SLC29A3: variants seen among roughly 807,000 people sequenced by gnomAD.
SLC29A3 encodes equilibrative nucleoside transporter 3.
In SLC29A3, 18 loss-of-function variants were observed where a neutral mutation model predicts 25.4. The ratio of observed to expected loss-of-function variants is 0.71; its 90% CI spans 0.49 to 1.05. The LOEUF is 1.05. SLC29A3 is among the 50% of genes least tolerant of loss of function. The probability of loss-of-function intolerance (pLI) is 0.00; values close to 1 mark genes in which losing one functional copy is unlikely to be tolerated. For synonymous variants in SLC29A3, 258 were observed against 267.1 expected (o/e 0.97, Z 0.33); for missense variants, 586 against 609.0 (o/e 0.96, Z 0.40).
At chr10:71,372,454 C>T (rs939098874) in intron 3 of SLC29A3, among the ~76,000 whole-genome samples, 3 of 152,186 alleles carry the variant, frequency 2.0e-5, no homozygotes, top group Non-Finnish European at 4.4e-5. Context: ...TTGGTAAATG[C>T]AGATTGCTGT....
intron 3 of SLC29A3, among the ~76,000 whole-genome samples, chr10:71,368,766 T>G (rs1564545957): frequency 1.3e-5 from 2 of 152,232 alleles, no homozygotes; most frequent in Non-Finnish European, 2.9e-5. Flanking sequence ...CTGGAGCCAT[T>G]CTGCCTAGGT....
At chr10:71,327,187 C>T (rs1246520902) in intron 2 of SLC29A3, among the ~76,000 whole-genome samples, 2 of 152,088 alleles carry the variant, frequency 1.3e-5, no homozygotes, top group Non-Finnish European at 2.9e-5. Context: ...GGAGCTTGAC[C>T]CAGGAGGAAG....
At chr10:71,351,861 A>G (rs943936693) in intron 4 of SLC29A3, 73 bp downstream of exon 4, 1 of 1,353,000 alleles carries the variant, frequency 7.4e-7, no homozygotes, top group Non-Finnish European at 1.0e-6. Context: ...AGAGATGAGC[A>G]TGTGGTGGCC....
chr10:71,361,945 T>C lies in SLC29A3; in HGVS notation c.774-9T>C. 6.2e-7 allele frequency: 1 copy of C among 1,613,970 alleles called. No individual in the cohort carries two copies. Among genetic ancestry groups the C allele is most frequent in the Non-Finnish European group, 8.5e-7 (1 of 1,180,018 alleles). ...CCTGCTTGATGGTGGCCCTGTCTCC[T>C]CCCTGCAGGTACTACATGAGGCCTG... On this transcript the variant is annotated splice_polypyrimidine_tract_variant and intron_variant, in intron 5 of 5. Coordinates refer to ENST00000373189, the MANE Select transcript of SLC29A3 (RefSeq NM_018344.6).
chr10:71,359,289 C>T (rs1846995565), intron 5 of SLC29A3, among the ~76,000 whole-genome samples: 1 of 152,144 alleles, frequency 6.6e-6, no homozygotes, highest in Admixed American at 6.5e-5. Context: ...AAGGATGGGG[C>T]TCATGGAGAG....
downstream of SLC29A3, among the ~76,000 whole-genome samples, chr10:71,367,334 G>A (rs572559994): frequency 6.6e-6 from 1 of 152,296 alleles, no homozygotes; most frequent in East Asian, 1.9e-4. Context: ...ATGAGACAGA[G>A]CTTTAGAGGT....
At chr10:71,344,072 G>T (rs1016230606) in intron 2 of SLC29A3, 137 bp from the exon 3 acceptor site, 1 of 746,110 alleles carries the variant, frequency 1.3e-6, no homozygotes, top group Non-Finnish European at 2.4e-6. Flanking sequence ...GTTTGGAGGT[G>T]GGCTCACCCA....
At chr10:71,374,763 G>A (rs760385861) in intron 3 of SLC29A3, among the ~76,000 whole-genome samples, 36 of 152,164 alleles carry the variant, frequency 2.4e-4, no homozygotes, top group African/African-American at 7.0e-4. Context: ...TGCCGCTAGC[G>A]TGTCATTATC....
intron 3 of SLC29A3, among the ~76,000 whole-genome samples, chr10:71,370,113 T>C (rs529002143): frequency 1.3e-5 from 2 of 152,292 alleles, no homozygotes; most frequent in East Asian, 1.9e-4. Context: ...GCAGATGTTA[T>C]AGGCACTTGA....
intron 4 of SLC29A3, among the ~76,000 whole-genome samples, chr10:71,376,962 G>A (rs184764466): frequency 6.6e-6 from 1 of 151,918 alleles, no homozygotes; most frequent in African/African-American, 2.4e-5. Flanking sequence ...TTTTAGTAGA[G>A]GCGAGGTTTC....
At chr10:71,363,811 TTC>T (rs764546007), downstream of SLC29A3, among the ~76,000 whole-genome samples, 271 of 117,338 alleles carry the variant, frequency 2.3e-3, 20 homozygotes, top group African/African-American at 8.9e-3. Flanking sequence ...CCTTTTTCTT[TTC>T]TTTTTTTTTT....
At chr10:71,375,841 C>G (rs893820081) in intron 4 of SLC29A3, 8 of 152,172 alleles carry the variant, frequency 5.3e-5, no homozygotes, top group African/African-American at 1.9e-4. Flanking sequence ...TTTAGGACCC[C>G]CATTAACAAG....
downstream of SLC29A3, among the ~76,000 whole-genome samples, chr10:71,366,563 T>C (rs1205714272): frequency 6.6e-6 from 1 of 152,178 alleles, no homozygotes; most frequent in African/African-American, 2.4e-5. Context: ...GAGAACATGC[T>C]TATTCCTACA....
chr10:71,333,625 G>A (rs1846173388), intron 2 of SLC29A3, among the ~76,000 whole-genome samples: 1 of 152,274 alleles, frequency 6.6e-6, no homozygotes, highest in South Asian at 2.1e-4. Flanking sequence ...TCAGCCTTGT[G>A]ACACTGATGC....
chr10:71,372,494 G>A (rs1002088547), intron 3 of SLC29A3, among the ~76,000 whole-genome samples: 8 of 152,142 alleles, frequency 5.3e-5, no homozygotes, highest in Admixed American at 5.2e-4. Flanking sequence ...GATTCCATAG[G>A]TCTGGTGTGG....
chr10:71,351,552 C>T lies in SLC29A3; in HGVS notation c.384-10C>T, dbSNP rs772475005. 6.2e-6 allele frequency: 10 copies of T among 1,613,256 alleles called. No homozygotes were observed. The highest frequency in any genetic ancestry group is 2.2e-5 in the South Asian group (2 of 91,082). ...GGGGTGTCTAACTGCTTCTGGCATC[C>T]TCGCCCCAGGGTTGCAGTCCACATC... On this transcript the variant is annotated splice_polypyrimidine_tract_variant and intron_variant, in intron 3 of 5. Transcript: ENST00000373189.
chr10:71,359,978 G>A (rs529306426), intron 5 of SLC29A3, among the ~76,000 whole-genome samples: 39 of 152,272 alleles, frequency 2.6e-4, no homozygotes, highest in Non-Finnish European at 4.9e-4. Context: ...AAGTTGGAAA[G>A]ATTAATGATA....
At position 71,362,099 on chromosome 10, in the gene SLC29A3, A is replaced by C; in HGVS notation, c.919A>C (p.Ser307Arg). 1 of 1,614,088 alleles carries C rather than the reference A, an allele frequency of 6.2e-7. No homozygotes were observed. Among genetic ancestry groups the C allele is most frequent in the Middle Eastern group, 1.6e-4 (1 of 6,062 alleles). Reference sequence around the variant, plus strand: ...CCGCCCCATCCTGAAGAAGACGGCCAGCCTGGGCTTCTGTGTCACCTACGT... The same window carrying C: ...CCGCCCCATCCTGAAGAAGACGGCCCGCCTGGGCTTCTGTGTCACCTACGT... The part of the protein sequence containing the change: ...PLRPILKKTA[S>R]LGFCVTYVFF... Residue 307 changes from serine (S) to arginine (R), a missense_variant, in exon 6 of 6, where the codon AGC becomes CGC. By Grantham distance (110) the Ser-to-Arg change is moderately radical (BLOSUM62 -1). Coordinates refer to ENST00000373189, the MANE Select transcript of SLC29A3 (RefSeq NM_018344.6).
intron 2 of SLC29A3, among the ~76,000 whole-genome samples, chr10:71,323,672 T>C (rs1028124105): frequency 2.5e-4 from 38 of 152,328 alleles, no homozygotes; most frequent in African/African-American, 8.9e-4. Flanking sequence ...CTCAGAACCA[T>C]GTGCCTGCTA....
Sources: gnomAD v4.1 joint callset for allele counts (sites outside exome capture counted in the v4.1 genomes callset) on GRCh38, gnomAD v4.1.1 for gene constraint, MANE v1.5 for transcripts, NCBI Gene and HGNC (gene_info 2026-07-23, HGNC 2026-07-21) for gene names.